The following SLIT3 variants were observed in gnomAD, a reference collection of about 807,000 sequenced individuals.
SLIT3 encodes slit homolog 3 protein.
In SLIT3, 68 loss-of-function variants were observed where a neutral mutation model predicts 184.0. The observed-to-expected ratio is 0.37, with a 90% CI of 0.30 to 0.45. SLIT3 has a LOEUF of 0.45. Ranked by LOEUF, SLIT3 falls within the 20% of genes least tolerant of loss-of-function variation. The probability of loss-of-function intolerance (pLI) is 1.00; values close to 1 mark genes in which losing one functional copy is unlikely to be tolerated. For synonymous variants in SLIT3, 831 were observed against 828.6 expected (o/e 1.00, Z -0.05); for missense variants, 1,707 against 2,026.0 (o/e 0.84, Z 3.02).
At chr5:169,099,555 T>G (rs1759927965) in intron 4 of SLIT3, among the ~76,000 whole-genome samples, 1 of 152,226 alleles carries the variant, frequency 6.6e-6, no homozygotes, top group East Asian at 1.9e-4. Flanking sequence ...CATAACCTTT[T>G]GATTAGAAAT....
intron 3 of SLIT3, among the ~76,000 whole-genome samples, chr5:169,210,000 T>G (rs1417484333): frequency 1.3e-5 from 2 of 152,102 alleles, no homozygotes; most frequent in Non-Finnish European, 2.9e-5. Flanking sequence ...CATCATACTC[T>G]GAGATACAAA....
At chr5:169,116,128 T>C (rs1033395451) in intron 4 of SLIT3, among the ~76,000 whole-genome samples, 1 of 152,196 alleles carries the variant, frequency 6.6e-6, no homozygotes, top group East Asian at 1.9e-4. Context: ...AGATAATTAT[T>C]GCAGGGCAAT....
At chr5:168,685,273 GGTGATTCTAAA>G (rs1761709586) in intron 31 of SLIT3, among the ~76,000 whole-genome samples, 2 of 152,190 alleles carry the variant, frequency 1.3e-5, no homozygotes, top group Admixed American at 1.3e-4. Flanking sequence ...AAGTTCTCGA[GGTGATTCTAAA>G]GTATTGCCAA....
In SLIT3 at chr5:168,774,390, A is replaced by T. The variant is rs773348465; in HGVS notation, c.1152-12T>A. 25 of 1,606,212 alleles carry T rather than the reference A, an allele frequency of 1.6e-5. No homozygotes were observed. Among genetic ancestry groups the T allele is most frequent in the Non-Finnish European group, 2.0e-5 (23 of 1,176,572 alleles). ...TGGCATTGAGGAGGCTGCAAACAGAAGAGAGCCTGGTTGATTCACTAATCC... is the reference window on the plus strand; with the variant it reads ...TGGCATTGAGGAGGCTGCAAACAGATGAGAGCCTGGTTGATTCACTAATCC... On this transcript the variant is annotated splice_polypyrimidine_tract_variant and intron_variant, in intron 12 of 35. Coordinates refer to ENST00000519560, the MANE Select transcript of SLIT3 (RefSeq NM_003062.4).
chr5:168,811,372 G>A (rs182223641), intron 8 of SLIT3, among the ~76,000 whole-genome samples: 1 of 152,318 alleles, frequency 6.6e-6, no homozygotes, highest in East Asian at 1.9e-4. Context: ...TGAGGAAACT[G>A]AATAGGGGGT....
At chr5:169,271,042 C>A (rs939497816) in intron 1 of SLIT3, among the ~76,000 whole-genome samples, 1 of 152,076 alleles carries the variant, frequency 6.6e-6, no homozygotes, top group East Asian at 1.9e-4. Context: ...GGGCATCGTT[C>A]AACAGTATAC....
chr5:169,086,897 G>A (rs1291778740), intron 4 of SLIT3, among the ~76,000 whole-genome samples: 1 of 152,172 alleles, frequency 6.6e-6, no homozygotes, highest in Admixed American at 6.5e-5. Context: ...AGTCTTTGTT[G>A]GGCAGGATGA....
chr5:168,853,390 G>A (rs1238355254), intron 5 of SLIT3, among the ~76,000 whole-genome samples: 2 of 152,098 alleles, frequency 1.3e-5, no homozygotes, highest in African/African-American at 4.8e-5. Context: ...AACCAATCAA[G>A]TAATGTACCA....
intron 4 of SLIT3, among the ~76,000 whole-genome samples, chr5:169,027,685 G>T (rs567588584): frequency 6.6e-6 from 1 of 152,166 alleles, no homozygotes; most frequent in Non-Finnish European, 1.5e-5. Flanking sequence ...ATAAACAGAA[G>T]GCCGAGGCAG....
At chr5:168,843,006 T>G (rs1469091379) in intron 6 of SLIT3, among the ~76,000 whole-genome samples, 1 of 152,172 alleles carries the variant, frequency 6.6e-6, no homozygotes, top group Non-Finnish European at 1.5e-5. Context: ...TTACTAAATT[T>G]GGGCTGGCAT....
At chr5:169,043,316 A>T (rs1475839715) in intron 4 of SLIT3, among the ~76,000 whole-genome samples, 1 of 152,236 alleles carries the variant, frequency 6.6e-6, no homozygotes, top group Admixed American at 6.5e-5. Context: ...GTTGAGACAC[A>T]TTATAGTTTA....
intron 4 of SLIT3, among the ~76,000 whole-genome samples, chr5:169,124,551 A>G (rs1017591443): frequency 9.9e-5 from 15 of 152,254 alleles, no homozygotes; most frequent in Admixed American, 2.0e-4. Flanking sequence ...GCAGTGCTCT[A>G]CACAGCAACT....
At chr5:168,775,178 C>T (rs536423135) in intron 12 of SLIT3, among the ~76,000 whole-genome samples, 1 of 152,040 alleles carries the variant, frequency 6.6e-6, no homozygotes, top group African/African-American at 2.4e-5. Flanking sequence ...GCTGGGATTA[C>T]AGGTGTGCAC....
intron 4 of SLIT3, among the ~76,000 whole-genome samples, chr5:169,126,214 C>G (rs1014114314): frequency 5.4e-4 from 82 of 152,258 alleles, no homozygotes; most frequent in African/African-American, 1.9e-3. Flanking sequence ...TTTTAAAAAT[C>G]ATGTATTTTA....
intron 4 of SLIT3, among the ~76,000 whole-genome samples, chr5:169,082,027 G>A (rs186641796): frequency 4.5e-4 from 68 of 152,256 alleles, no homozygotes; most frequent in African/African-American, 1.4e-3. Context: ...GTGCCTATTC[G>A]TTATCCCATT....
Position 168,779,672 on chromosome 5 carries a change from A to C in SLIT3, c.1152-5294T>G, listed in dbSNP as rs553118472. Among the ~76,000 whole-genome samples, 33 of 152,334 alleles carry C rather than the reference A, an allele frequency of 2.2e-4. No individual in the cohort carries two copies. The South Asian group carries it at 6.2e-3, about 29-fold the overall frequency. On this transcript the variant is annotated intron_variant, in intron 12 of 35. Transcript: ENST00000519560. ...CAGAAAACAGAAGCCACTGGGAGTC[A>C]AAAAAGCTAGAGCTGGAGGAGGGAA... is the stretch of plus-strand genomic sequence containing the variant.
intron 3 of SLIT3, among the ~76,000 whole-genome samples, chr5:169,210,114 A>C (rs1368406958): frequency 1.3e-5 from 2 of 152,170 alleles, no homozygotes; most frequent in Non-Finnish European, 2.9e-5. Context: ...AAAACACAGA[A>C]GCTGTGGGAG....
chr5:169,227,793 C>G (rs1289251820), intron 3 of SLIT3, among the ~76,000 whole-genome samples: 2 of 152,212 alleles, frequency 1.3e-5, no homozygotes, highest in Non-Finnish European at 2.9e-5. Flanking sequence ...TCTATTACCC[C>G]CTTTCGCAGA....
intron 4 of SLIT3, among the ~76,000 whole-genome samples, chr5:169,002,322 C>CAAAAAAATAAAAAAAAAAAAAAAAAAAAA (rs1755732471): frequency 4.1e-5 from 1 of 24,198 alleles, no homozygotes; most frequent in Admixed American, 9.2e-4. Flanking sequence ...GACTCTGTCT[C>CAAAAAAATAAAAAAAAAAAAAAAAAAAAA]AAAAAAAAAA....
Sources: gnomAD v4.1 joint callset for allele counts (sites outside exome capture counted in the v4.1 genomes callset) on GRCh38, gnomAD v4.1.1 for gene constraint, MANE v1.5 for transcripts, NCBI Gene and HGNC (gene_info 2026-07-23, HGNC 2026-07-21) for gene names.